Variants in SOD2 observed in about 807,000 individuals in gnomAD.
SOD2 encodes superoxide dismutase 2.
In SOD2, 11 loss-of-function variants were observed where a neutral mutation model predicts 27.0. That is an observed-to-expected ratio of 0.41 (90% CI 0.26 to 0.67). The LOEUF (loss-of-function observed/expected upper bound fraction) is 0.67. Ranked by LOEUF, SOD2 falls within the 30% of genes least tolerant of loss-of-function variation. SOD2 has a pLI of 0.34. For missense variants in SOD2, 250 were observed against 274.5 expected, an observed-to-expected ratio of 0.91 and a Z score of 0.63; for synonymous variants, 105 against 103.0, an observed-to-expected ratio of 1.02 and a Z score of -0.12.
chr6:159,755,722 GGTTTTTTTTTGTT>G (rs1779977824), intron 1 of SOD2: 3 of 1,068,718 alleles, frequency 2.8e-6, no homozygotes, highest in Non-Finnish European at 3.4e-6. Flanking sequence ...TGTACGTTTT[GGTTTTTTTTTGTT>G]GTTTTTTTTC....
intron 1 of SOD2, among the ~76,000 whole-genome samples, chr6:159,701,718 G>A (rs1207435467): frequency 1.3e-5 from 2 of 152,112 alleles, no homozygotes; most frequent in Admixed American, 6.5e-5. Context: ...ACTGTTAATA[G>A]TCACACATCA....
rs1778227790 is a variant in SOD2 at position 159,727,260 on chromosome 6, CT to C, written c.-248del. The C allele has an allele frequency of 8.6e-6, 11 of 1,283,476 alleles. No individual in the cohort carries two copies. In the South Asian group the frequency reaches 1.2e-4, roughly 14 times the overall value. 79.5% of individuals were successfully genotyped at this position (1,283,476 alleles called of 1,614,324 possible). On this transcript the variant is annotated 5_prime_UTR_variant, in exon 1 of 3. Transcript: ENST00000401980. ...CGGGCTAGGCCGACGGCCTCCCTCC[CT>C]TCACCTTTCCTCTCCTGGCGGGGTT...
At chr6:159,714,744 G>T (rs1777895078) in intron 1 of SOD2, among the ~76,000 whole-genome samples, 1 of 152,200 alleles carries the variant, frequency 6.6e-6, no homozygotes, top group Non-Finnish European at 1.5e-5. Flanking sequence ...TGCTTGAGTG[G>T]ATGGGGGTAG....
chr6:159,703,093 T>C (rs1777556603), intron 1 of SOD2, among the ~76,000 whole-genome samples: 1 of 152,070 alleles, frequency 6.6e-6, no homozygotes, highest in Non-Finnish European at 1.5e-5. Context: ...GGTGGGCAGA[T>C]CACCTGAGGT....
chr6:159,680,320 C>G lies in SOD2; in HGVS notation c.*2173G>C, dbSNP rs773998270. 2.0e-5 allele frequency: 3 copies of G among 152,106 alleles called. No individual in the cohort carries two copies. The highest frequency in any genetic ancestry group is 7.2e-5 in the African/African-American group (3 of 41,402). 9.4% of individuals were successfully genotyped at this position (152,106 alleles called of 1,614,324 possible). A position where few individuals can be genotyped will look rare whatever the true frequency, so the allele number is the denominator to read the frequency against. On this transcript the variant is annotated 3_prime_UTR_variant, in exon 5 of 5. Coordinates refer to ENST00000538183, the MANE Select transcript of SOD2 (RefSeq NM_000636.4). Reference sequence around the variant, plus strand: ...AGGCAAGCAGTAATCTTACATGACACATAAAAGCTGTTTCACTGTGACACA... The same window carrying G: ...AGGCAAGCAGTAATCTTACATGACAGATAAAAGCTGTTTCACTGTGACACA...
rs763455003 is a variant in SOD2, at chr6:159,720,847, CTTTTTTTTTTTTT to C, written c.-116+6269_-116+6281del. 2.0e-3 allele frequency among the ~76,000 whole-genome samples: 122 copies of C among 59,962 alleles called. 1 individual carries two copies. The highest frequency in any genetic ancestry group is 4.6e-3 in the East Asian group (9 of 1,958). The allele number at this position is 59,962 out of a possible 152,430, so 39.3% of individuals were successfully genotyped here. A position where few individuals can be genotyped will look rare whatever the true frequency, so the allele number is the denominator to read the frequency against. ...CACTATACAGGTGTATTTTCTTTAC[CTTTTTTTTTTTTT>C]TTTTTTTTTTTTTTGAGACAGTGTC... On this transcript the variant is annotated intron_variant, in intron 1 of 2. Transcript: ENST00000401980.
intron 1 of SOD2, among the ~76,000 whole-genome samples, chr6:159,737,236 A>G (rs1472657828): frequency 6.6e-6 from 1 of 152,132 alleles, no homozygotes; most frequent in African/African-American, 2.4e-5. Flanking sequence ...TCTTGTAGAG[A>G]TGGGGTTTTA....
chr6:159,704,097 A>C (rs1293174021), intron 1 of SOD2, among the ~76,000 whole-genome samples: 1 of 152,240 alleles, frequency 6.6e-6, no homozygotes, highest in African/African-American at 2.4e-5. Context: ...CATCCTGGCC[A>C]ACACGGTGAA....
intron 1 of SOD2, among the ~76,000 whole-genome samples, chr6:159,716,288 G>A (rs966140377): frequency 1.3e-4 from 20 of 152,184 alleles, no homozygotes; most frequent in South Asian, 4.1e-4. Flanking sequence ...GGTGAGTCTG[G>A]AAGATTAACA....
In SOD2 at chr6:159,726,194, C is replaced by G. The variant is rs978125818; in HGVS notation, c.-116+935G>C. On this transcript the variant is annotated intron_variant, in intron 1 of 2. Coordinates refer to the SOD2 transcript ENST00000401980. ...CTCCCACCAGGAAAGGTAATTTCAA[C>G]GTGTATTTCCATTGTAAGTGAGGTG... The G allele has an allele frequency of 2.0e-5, 3 of 152,516 alleles. No homozygotes were observed. In the South Asian group the frequency reaches 6.2e-4, roughly 31 times the overall value. 9.4% of individuals were successfully genotyped at this position (152,516 alleles called of 1,614,324 possible).
chr6:159,699,131 A>C (rs1317802208), intron 1 of SOD2, among the ~76,000 whole-genome samples: 1 of 152,110 alleles, frequency 6.6e-6, no homozygotes. Context: ...TTGGAGCCCA[A>C]GATTTGAAAC....
upstream of SOD2, among the ~76,000 whole-genome samples, chr6:159,746,236 CTAAATT>C (rs982514071): frequency 1.3e-5 from 2 of 152,198 alleles, no homozygotes; most frequent in African/African-American, 2.4e-5. Context: ...GTGAGAGAAA[CTAAATT>C]TAAAGAGTAG....
chr6:159,693,516 C>T (rs1777343639), upstream of SOD2, among the ~76,000 whole-genome samples: 1 of 152,138 alleles, frequency 6.6e-6, no homozygotes, highest in Non-Finnish European at 1.5e-5. Context: ...GGCGCGCGGC[C>T]GAAGGGAGGC....
At position 159,675,123 on chromosome 6, in the gene SOD2, C is replaced by A. The variant is rs1779748526; in HGVS notation, c.*7370G>T. The A allele has an allele frequency of 6.6e-6, 1 of 152,170 alleles. No homozygotes were observed. Among genetic ancestry groups the A allele is most frequent in the Non-Finnish European group, 1.5e-5 (1 of 68,040 alleles). 9.4% of individuals were successfully genotyped at this position (152,170 alleles called of 1,614,324 possible). On this transcript the variant is annotated 3_prime_UTR_variant, in exon 5 of 5. Coordinates refer to ENST00000538183, the MANE Select transcript of SOD2 (RefSeq NM_000636.4). Reference sequence around the variant, plus strand: ...GGACACAAACAAATGGAAGAACATTCCATGCTCATGGATAGGAAGAATCAA... The same window carrying A: ...GGACACAAACAAATGGAAGAACATTACATGCTCATGGATAGGAAGAATCAA...
intron 1 of SOD2, chr6:159,713,554 T>C (rs551616701): frequency 1.5e-5 from 11 of 754,816 alleles, no homozygotes; most frequent in African/African-American, 8.7e-5. Context: ...GCTTCTGCCC[T>C]GAAAGTCCAC....
intron 1 of SOD2, among the ~76,000 whole-genome samples, chr6:159,733,932 A>G (rs1437440384): frequency 6.6e-6 from 1 of 152,210 alleles, no homozygotes; most frequent in Non-Finnish European, 1.5e-5. Flanking sequence ...AAAAAGATTA[A>G]ACAGAGAAAG....
At chr6:159,743,893 C>T (rs1779407753) in intron 1 of SOD2, 2 of 1,262,962 alleles carry the variant, frequency 1.6e-6, no homozygotes. Context: ...AATATAAGAG[C>T]TTATCTTTTA....
chr6:159,720,863 TTTTTTTTTTTTG>T, intron 1 of SOD2, among the ~76,000 whole-genome samples: 2 of 126,678 alleles, frequency 1.6e-5, no homozygotes, highest in African/African-American at 6.0e-5. Flanking sequence ...TTTTTTTTTT[TTTTTTTTTTTTG>T]AGACAGTGTC....
At chr6:159,732,557 G>C (rs563866848) in intron 1 of SOD2, among the ~76,000 whole-genome samples, 1 of 152,276 alleles carries the variant, frequency 6.6e-6, no homozygotes, top group African/African-American at 2.4e-5. Context: ...ATTATTGGCC[G>C]GGCGCAGTAG....
Sources: gnomAD v4.1 joint callset for allele counts (sites outside exome capture counted in the v4.1 genomes callset) on GRCh38, gnomAD v4.1.1 for gene constraint, MANE v1.5 for transcripts, NCBI Gene and HGNC (gene_info 2026-07-23, HGNC 2026-07-21) for gene names.